ZPBP: variants seen among roughly 807,000 people sequenced by gnomAD.
ZPBP encodes zona pellucida binding protein, also known as zona pellucida-binding protein 1.
In ZPBP, 26 loss-of-function variants were observed where a neutral mutation model predicts 44.8. That is an observed-to-expected ratio of 0.58 (90% CI 0.43 to 0.81). The LOEUF is 0.81. ZPBP is among the 30% of genes least tolerant of loss of function. The pLI, the probability that ZPBP is intolerant of heterozygous loss-of-function variation, is 0.00. For synonymous variants in ZPBP, 174 were observed against 153.2 expected, an observed-to-expected ratio of 1.14 and a Z score of -1.00; for missense variants, 409 against 434.0, an observed-to-expected ratio of 0.94 and a Z score of 0.51.
rs1310062452 is a variant in ZPBP, at chr7:49,888,950, G to C, written n.509+12168C>G. ...ACAAAAACAAAAAAAAACAAAAGAA[G>C]TGTACCTCAGCAGACATATGGAGGA... On this transcript the variant is annotated intron_variant and non_coding_transcript_variant, in intron 2 of 2. Coordinates refer to the ZPBP transcript ENST00000465922. Among the ~76,000 whole-genome samples, 7 of 152,070 alleles carry C rather than the reference G, an allele frequency of 4.6e-5. No individual in the cohort carries two copies. In the East Asian group the frequency reaches 1.4e-3, roughly 29 times the overall value.
At chr7:50,083,555 A>G (rs1474345485) in intron 2 of ZPBP, among the ~76,000 whole-genome samples, 1 of 152,004 alleles carries the variant, frequency 6.6e-6, no homozygotes, top group Non-Finnish European at 1.5e-5. Flanking sequence ...AAAGAATTCT[A>G]TAACAGAAAA....
intron 2 of ZPBP, among the ~76,000 whole-genome samples, chr7:49,886,458 TTAAC>T (rs1438410586): frequency 3.9e-5 from 6 of 152,242 alleles, no homozygotes; most frequent in African/African-American, 1.2e-4. Flanking sequence ...GGATTTTTCT[TTAAC>T]TATTTCATTG....
intron 4 of ZPBP, among the ~76,000 whole-genome samples, chr7:50,050,438 A>T (rs1220011951): frequency 6.6e-6 from 1 of 152,148 alleles, no homozygotes; most frequent in Admixed American, 6.6e-5. Flanking sequence ...CTAGGAAAAA[A>T]GCACCCACAC....
downstream of ZPBP, among the ~76,000 whole-genome samples, chr7:49,934,444 T>C (rs1425427337): frequency 1.5e-5 from 1 of 67,710 alleles, no homozygotes; most frequent in Non-Finnish European, 3.6e-5. Context: ...AAACAGAGGG[T>C]ATAAAAAAAA....
At chr7:49,845,047 G>A in the ZPBP span, among the ~76,000 whole-genome samples, 2 of 151,912 alleles carry the variant, frequency 1.3e-5, no homozygotes, top group South Asian at 2.1e-4. Context: ...AGTTATTTCC[G>A]AATGTTCTCA....
Position 49,856,633 on chromosome 7 carries a change from T to TATAC in ZPBP, n.510-6123_510-6120dup, listed in dbSNP as rs200993306. 1.3e-4 allele frequency among the ~76,000 whole-genome samples: 20 copies of TATAC among 152,258 alleles called. No individual in the cohort carries two copies. In the East Asian group the frequency reaches 3.3e-3, roughly 25 times the overall value. Reference sequence around the variant, plus strand: ...ACAATTTGGTGAGTTTGGACATAAGTATACCCTCATGTTACCATCACCACA... The same window carrying TATAC: ...ACAATTTGGTGAGTTTGGACATAAGTATACATACCCTCATGTTACCATCACCACA... On this transcript the variant is annotated intron_variant and non_coding_transcript_variant, in intron 2 of 2. Transcript: ENST00000465922.
intron 5 of ZPBP, 41 bp downstream of exon 5, chr7:50,031,051 G>A (rs1198239985): frequency 6.4e-7 from 1 of 1,553,376 alleles, no homozygotes; most frequent in South Asian, 1.1e-5. Context: ...TATTAGTTAT[G>A]TGTTCTCCAT....
In ZPBP at chr7:50,060,293, C is replaced by T. The variant is rs542102451; in HGVS notation, c.335-2152G>A. Reference sequence around the variant, plus strand: ...TGGAGCATGGCCAGGGACACCATCCCCCAAGGCTTGTCAAAATCAGAGCTG... The same window carrying T: ...TGGAGCATGGCCAGGGACACCATCCTCCAAGGCTTGTCAAAATCAGAGCTG... On this transcript the variant is annotated intron_variant, in intron 3 of 7. Transcript: ENST00000046087. 3.9e-5 allele frequency among the ~76,000 whole-genome samples: 6 copies of T among 151,996 alleles called. No individual in the cohort carries two copies. In the South Asian group the frequency reaches 8.3e-4, roughly 21 times the overall value.
At chr7:49,877,484 ATATATATATAT>A (rs1562747802) in intron 2 of ZPBP, among the ~76,000 whole-genome samples, 1,153 of 26,562 alleles carry the variant, frequency 0.043, 286 homozygotes, top group African/African-American at 0.15. Flanking sequence ...AAAAAAAAAT[ATATATATATAT>A]ATATATATAT....
intron 6 of ZPBP, among the ~76,000 whole-genome samples, chr7:50,006,719 A>G (rs1407576605): frequency 6.6e-6 from 1 of 152,046 alleles, no homozygotes; most frequent in Non-Finnish European, 1.5e-5. Context: ...AGAGATAAAC[A>G]AAATAGAGGA....
At chr7:50,085,333 T>G (rs2128854896) in intron 2 of ZPBP, among the ~76,000 whole-genome samples, 1 of 152,254 alleles carries the variant, frequency 6.6e-6, no homozygotes, top group Middle Eastern at 3.4e-3. Flanking sequence ...TAATTTCTGT[T>G]GTTTAAGCCA....
chr7:49,926,098 G>C (rs2128748780), intron 1 of ZPBP, among the ~76,000 whole-genome samples: 1 of 152,266 alleles, frequency 6.6e-6, no homozygotes, highest in Middle Eastern at 3.4e-3. Context: ...CATTCCATCT[G>C]CCTGTAGTTG....
intron 7 of ZPBP, among the ~76,000 whole-genome samples, chr7:49,966,163 A>G (rs1796051062): frequency 6.6e-6 from 1 of 152,170 alleles, no homozygotes; most frequent in Non-Finnish European, 1.5e-5. Context: ...AGACACTTCC[A>G]TAATTTTAGT....
chr7:49,982,200 AT>A (rs1426162297), intron 7 of ZPBP, among the ~76,000 whole-genome samples: 7 of 26,020 alleles, frequency 2.7e-4, no homozygotes, highest in East Asian at 1.6e-3. Context: ...ATATATATTT[AT>A]TATATATATA....
chr7:50,031,632 C>T (rs1041320397), intron 4 of ZPBP, among the ~76,000 whole-genome samples: 9 of 152,012 alleles, frequency 5.9e-5, no homozygotes, highest in African/African-American at 1.5e-4. Context: ...TCTAACTTAC[C>T]GAGCCTGGTC....
At chr7:50,075,018 G>C (rs1357849171) in intron 3 of ZPBP, among the ~76,000 whole-genome samples, 6 of 151,672 alleles carry the variant, frequency 4.0e-5, no homozygotes, top group Admixed American at 1.3e-4. Flanking sequence ...CATATATTAG[G>C]TCACAAAACA....
At chr7:49,895,277 G>A (rs1792326144) in intron 2 of ZPBP, among the ~76,000 whole-genome samples, 1 of 152,132 alleles carries the variant, frequency 6.6e-6, no homozygotes, top group African/African-American at 2.4e-5. Flanking sequence ...CCACTCATGA[G>A]GGCTCTGCCC....
Position 49,877,482 on chromosome 7 carries a change from ATATAT to A in ZPBP, n.509+23631_509+23635del, listed in dbSNP as rs1377506402. Among the ~76,000 whole-genome samples the A allele has an allele frequency of 8.0e-3, 162 of 20,334 alleles. 14 individuals carry two copies. Among genetic ancestry groups the A allele is most frequent in the Non-Finnish European group, 9.5e-3 (95 of 9,972 alleles). 13.3% of individuals were successfully genotyped at this position (20,334 alleles called of 152,430 possible). A position where few individuals can be genotyped will look rare whatever the true frequency, so the allele number is the denominator to read the frequency against. ...TGTCTCAAAAAAAAAAAAAAAAAAAATATATATATATATATATATATATATATATA... is the reference window on the plus strand; with the variant it reads ...TGTCTCAAAAAAAAAAAAAAAAAAAAATATATATATATATATATATATATA... On this transcript the variant is annotated intron_variant and non_coding_transcript_variant, in intron 2 of 2. Coordinates refer to the ZPBP transcript ENST00000465922.
chr7:49,864,308 A>C (rs1038464287), intron 2 of ZPBP, among the ~76,000 whole-genome samples: 1 of 152,212 alleles, frequency 6.6e-6, no homozygotes, highest in Non-Finnish European at 1.5e-5. Flanking sequence ...TAGTCTCTGC[A>C]GAATTGTTCT....
Sources: allele counts gnomAD v4.1 joint callset (sites outside exome capture counted in the v4.1 genomes callset), GRCh38; gene constraint gnomAD v4.1.1; transcripts MANE v1.5; gene names NCBI Gene and HGNC (gene_info 2026-07-23, HGNC 2026-07-21).